ERN2: variants seen among roughly 807,000 people sequenced by gnomAD.
The protein encoded by ERN2 is endoplasmic reticulum to nucleus signaling 2.
In ERN2, 111 loss-of-function variants were observed where a neutral mutation model predicts 107.9. The ratio of observed to expected loss-of-function variants is 1.03; its 90% CI spans 0.88 to 1.20. ERN2 has a LOEUF of 1.20. ERN2 is among the 50% of genes most tolerant of loss of function. ERN2 has a pLI of 0.00. For synonymous variants in ERN2, 524 were observed against 501.7 expected (o/e 1.04, Z -0.59); for missense variants, 1,225 against 1,197.9 (o/e 1.02, Z -0.33).
intron 1 of ERN2, chr16:23,712,237 G>C: frequency 1.2e-5 from 2 of 166,714 alleles, no homozygotes; most frequent in South Asian, 2.0e-4. Flanking sequence ...TGGAGAAGAG[G>C]CTGCAGATTG....
chr16:23,703,289 C>G (rs1406433350), intron 8 of ERN2, among the ~76,000 whole-genome samples: 1 of 152,154 alleles, frequency 6.6e-6, no homozygotes, highest in Non-Finnish European at 1.5e-5. Context: ...CTTCCTCCTT[C>G]TTCTCCCCCA....
chr16:23,690,671 G>T lies in ERN2; in HGVS notation c.*160C>A, dbSNP rs1959546850. On this transcript the variant is annotated 3_prime_UTR_variant, in exon 22 of 22. Transcript: ENST00000256797. Reference sequence around the variant, plus strand: ...GGGTGTTGCCATGTTGGCCAGGCTGGTCTCGAACTCCTGAGCTCAAGTGAT... The same window carrying T: ...GGGTGTTGCCATGTTGGCCAGGCTGTTCTCGAACTCCTGAGCTCAAGTGAT... The T allele has an allele frequency of 4.7e-6, 3 of 638,434 alleles. No homozygotes were observed. The highest frequency in any genetic ancestry group is 1.9e-5 in the South Asian group (1 of 52,872). 39.5% of individuals were successfully genotyped at this position (638,434 alleles called of 1,614,324 possible).
At chr16:23,711,145 A>G (rs529435796) in intron 1 of ERN2, 127 bp from the exon 2 acceptor site, 1 of 634,448 alleles carries the variant, frequency 1.6e-6, no homozygotes, top group South Asian at 1.9e-5. Flanking sequence ...AGGAAGGGTG[A>G]TTGGGGAACG....
chr16:23,702,524 G>A lies in ERN2; in HGVS notation c.947C>T (p.Thr316Ile). 6.2e-7 allele frequency: 1 copy of A among 1,614,064 alleles called. No homozygotes were observed. The highest frequency in any genetic ancestry group is 8.5e-7 in the Non-Finnish European group (1 of 1,180,032). ...TGVALVPRGL[T>I]LAPADGPTTD... is the part of the protein sequence containing the mutation. ...GGTGGGGCCATCTGCGGGGGCCAGG[G>A]TCAGTCCACGAGGCTATGGCAGAAG... is the stretch of plus-strand genomic sequence containing the variant. The change falls in exon 10 of 22, where the codon ACC becomes ATC. Residue 316 changes from threonine to isoleucine, a missense_variant. Coordinates refer to ENST00000256797, the MANE Select transcript of ERN2 (RefSeq NM_033266.4).
chr16:23,690,644 T>G lies in ERN2; in HGVS notation c.*187A>C, dbSNP rs765001763. On this transcript the variant is annotated 3_prime_UTR_variant, in exon 22 of 22. Coordinates refer to ENST00000256797, the MANE Select transcript of ERN2 (RefSeq NM_033266.4). ...TAATTTTACAAATTTTTTGTAGAAA[T>G]GGGGTGTTGCCATGTTGGCCAGGCT... The G allele has an allele frequency of 1.7e-6, 1 of 602,176 alleles. No individual in the cohort carries two copies. The highest frequency in any genetic ancestry group is 1.9e-5 in the African/African-American group (1 of 53,908). The allele number at this position is 602,176 out of a possible 1,614,324, so 37.3% of individuals were successfully genotyped here.
In ERN2 at chr16:23,702,133, C is replaced by G. The variant is rs977545373; in HGVS notation, c.1203+19G>C. 10 of 1,606,046 alleles carry G rather than the reference C, an allele frequency of 6.2e-6. No homozygotes were observed. The Admixed American group carries it at 1.4e-4, about 22-fold the overall frequency. On this transcript the variant is annotated intron_variant, in intron 11 of 21. Transcript: ENST00000256797. Reference sequence around the variant, plus strand: ...GCTGGGGCCTCCCTACCCCCACTCTCTCCCCTCCCAGCACTGACCTCCAAG... The same window carrying G: ...GCTGGGGCCTCCCTACCCCCACTCTGTCCCCTCCCAGCACTGACCTCCAAG...
At chr16:23,712,911 G>C in intron 1 of ERN2, 184 bp downstream of exon 1, 1 of 542,786 alleles carries the variant, frequency 1.8e-6, no homozygotes, top group Non-Finnish European at 3.2e-6. Flanking sequence ...ATTTGTTGGG[G>C]GCAACTGGCG....
rs1000860955 is a variant in ERN2, at chr16:23,698,155, T to C, written c.1526-2177A>G. On this transcript the variant is annotated intron_variant, in intron 13 of 21. Transcript: ENST00000256797. ...GGAACACTTACAGTCAGTCACATTC[T>C]TTCACAGGTATTTGCCAGGTATTGT... Among the ~76,000 whole-genome samples, 15 of 152,324 alleles carry C rather than the reference T, an allele frequency of 9.8e-5. 1 individual carries two copies. The highest frequency in any genetic ancestry group is 4.6e-4 in the Admixed American group (7 of 15,304).
intron 4 of ERN2, among the ~76,000 whole-genome samples, chr16:23,708,347 C>CTTTTTTT (rs747761449): frequency 3.7e-5 from 2 of 54,716 alleles, no homozygotes; most frequent in African/African-American, 1.6e-4. Context: ...TGGTGCTATT[C>CTTTTTTT]TTTTTTTTTT....
At chr16:23,692,490 C>G (rs1412044666) in intron 17 of ERN2, among the ~76,000 whole-genome samples, 159 bp from the exon 18 acceptor site, 1 of 152,114 alleles carries the variant, frequency 6.6e-6, no homozygotes, top group African/African-American at 2.4e-5. Flanking sequence ...GATCCCTCCC[C>G]TCTACACTAC....
rs770204841 is a variant in ERN2, at chr16:23,704,863, C to T, written c.854+20G>A. Reference sequence around the variant, plus strand: ...ACTCCCAGATGGCTCCCTCCCTGGGCCCCAGGCACGAACACCTACAGCAGC... The same window carrying T: ...ACTCCCAGATGGCTCCCTCCCTGGGTCCCAGGCACGAACACCTACAGCAGC... On this transcript the variant is annotated intron_variant, in intron 8 of 21. Transcript: ENST00000256797. 6.9e-6 allele frequency: 11 copies of T among 1,599,812 alleles called. No homozygotes were observed. In the African/African-American group the frequency reaches 1.2e-4, roughly 17 times the overall value.
intron 4 of ERN2, among the ~76,000 whole-genome samples, chr16:23,708,419 C>T (rs537133115): frequency 4.7e-5 from 6 of 128,198 alleles, no homozygotes; most frequent in South Asian, 2.5e-4. Flanking sequence ...TGCAGTGGTG[C>T]GGTCTTGGCT....
chr16:23,694,658 A>G (rs1192247109), intron 17 of ERN2, 70 bp downstream of exon 17: 2 of 1,330,638 alleles, frequency 1.5e-6, no homozygotes. Flanking sequence ...CAGGAGGGGA[A>G]CTGGGACAGG....
At chr16:23,700,254 T>A (rs1214710268) in intron 13 of ERN2, among the ~76,000 whole-genome samples, 1 of 152,192 alleles carries the variant, frequency 6.6e-6, no homozygotes, top group Non-Finnish European at 1.5e-5. Context: ...GGAGGATTTC[T>A]TGAGCCCAGG....
At chr16:23,695,460 T>G (rs1202486304) in intron 14 of ERN2, 71 bp from the exon 15 acceptor site, 1 of 1,442,108 alleles carries the variant, frequency 6.9e-7, no homozygotes, top group African/African-American at 1.4e-5. Flanking sequence ...ACATGGTGGC[T>G]CACACCTGTA....
chr16:23,711,935 G>A, intron 1 of ERN2: 1 of 309,692 alleles, frequency 3.2e-6, no homozygotes, highest in Admixed American at 3.4e-5. Flanking sequence ...GCTGGGGGGT[G>A]CCCTTGGGAG....
rs2034682937 is a variant in ERN2 at position 23,710,518 on chromosome 16, T to C, written c.231A>G (p.Thr77=). The change falls in exon 3 of 22, where the codon ACA becomes ACG. Residue 77 remains threonine (T), a splice_region_variant and synonymous_variant. Coordinates refer to ENST00000256797, the MANE Select transcript of ERN2 (RefSeq NM_033266.4). ...TAAAAGGCCCCAGGTTCACTTACTC[T>C]GTGACGTACATTGGTCCTTCGATGA... ...DPVIEGPMYV[T]EMAFLSDPAD... 1.2e-6 allele frequency: 2 copies of C among 1,614,080 alleles called. No homozygotes were observed. The highest frequency in any genetic ancestry group is 1.7e-6 in the Non-Finnish European group (2 of 1,180,026).
At chr16:23,701,720 C>T (rs1041921849) in intron 11 of ERN2, among the ~76,000 whole-genome samples, 19 of 151,232 alleles carry the variant, frequency 1.3e-4, no homozygotes, top group Non-Finnish European at 1.6e-4. Flanking sequence ...GCCTCAAACT[C>T]TTGGGCTCGA....
chr16:23,705,010 GCTGGCGCAGGCCGTC>G lies in ERN2; in HGVS notation c.712_726del (p.Asp238_Gln242del). On this transcript the variant is annotated inframe_deletion, in exon 8 of 22. Transcript: ENST00000256797. ...TCTCGAGCCAGCGTGAGATGCGGCA[GCTGGCGCAGGCCGTC>G]CTGGTGCCAGGTGTAGACGCCCATC... 6.2e-7 allele frequency: 1 copy of G among 1,613,994 alleles called. No homozygotes were observed. Among genetic ancestry groups the G allele is most frequent in the Non-Finnish European group, 8.5e-7 (1 of 1,180,036 alleles).
Sources: gnomAD v4.1 joint callset for allele counts (sites outside exome capture counted in the v4.1 genomes callset) on GRCh38, gnomAD v4.1.1 for gene constraint, MANE v1.5 for transcripts, NCBI Gene and HGNC (gene_info 2026-07-23, HGNC 2026-07-21) for gene names.